The following PDP2 variants were observed in gnomAD, a reference collection of about 807,000 sequenced individuals.
PDP2 encodes the protein [Pyruvate dehydrogenase [acetyl-transferring]]-phosphatase 2, mitochondrial.
A neutral mutation model predicts 34.2 loss-of-function variants in PDP2; 23 were observed. That is an observed-to-expected ratio of 0.67 (90% CI 0.48 to 0.95). The LOEUF (loss-of-function observed/expected upper bound fraction) is 0.95, where lower values mean the gene tolerates loss of function less well. PDP2 is among the 40% of genes least tolerant of loss of function. PDP2 has a pLI of 0.00. For synonymous variants in PDP2, 275 were observed against 269.2 expected (o/e 1.02, Z -0.21); for missense variants, 571 against 659.6 (o/e 0.87, Z 1.47).
intron 1 of PDP2, among the ~76,000 whole-genome samples, chr16:66,881,712 G>T (rs1961525018): frequency 6.6e-6 from 1 of 152,118 alleles, no homozygotes; most frequent in Non-Finnish European, 1.5e-5. Flanking sequence ...GACAGATCTG[G>T]CTCTGTCGCC....
chr16:66,882,116 C>T (rs1416088352), intron 1 of PDP2, among the ~76,000 whole-genome samples: 3 of 152,212 alleles, frequency 2.0e-5, no homozygotes, highest in Non-Finnish European at 4.4e-5. Flanking sequence ...ATACTCTTAT[C>T]AGGAAAGCCA....
intron 1 of PDP2, 43 bp downstream of exon 1, chr16:66,880,683 G>A (rs943409485): frequency 6.6e-6 from 1 of 152,284 alleles, no homozygotes; most frequent in African/African-American, 2.4e-5. Flanking sequence ...GGTAACGAGC[G>A]GGGGATGTGG....
At chr16:66,883,393 A>C (rs1212617944) in intron 1 of PDP2, among the ~76,000 whole-genome samples, 1 of 151,954 alleles carries the variant, frequency 6.6e-6, no homozygotes, top group African/African-American at 2.4e-5. Flanking sequence ...CGGCCTCCCA[A>C]AGTGCTGGGA....
Position 66,880,589 on chromosome 16 carries a change from C to T in PDP2, c.-106C>T, listed in dbSNP as rs45474499. ...TGGTGGCCGCAGTTGTGGCACTGTG[C>T]GCAGGCGCTGAACTGACCGGACGGA... is the stretch of plus-strand genomic sequence containing the variant. On this transcript the variant is annotated 5_prime_UTR_variant, in exon 1 of 2. Coordinates refer to ENST00000311765, the MANE Select transcript of PDP2 (RefSeq NM_020786.4). 5,483 of 152,666 alleles carry T rather than the reference C, an allele frequency of 0.036. 123 individuals are homozygous for T. The highest frequency in any genetic ancestry group is 0.049 in the Non-Finnish European group (3,341 of 68,330). The allele number at this position is 152,666 out of a possible 1,614,324, so 9.5% of individuals were successfully genotyped here.
chr16:66,882,056 A>G, intron 1 of PDP2, among the ~76,000 whole-genome samples: 1 of 152,224 alleles, frequency 6.6e-6, no homozygotes, highest in South Asian at 2.1e-4. Context: ...AAGAATAGTT[A>G]AGTAAGTTGT....
At position 66,891,007 on chromosome 16, in the gene PDP2, T is replaced by C; in HGVS notation, c.*5133T>C. The C allele has an allele frequency of 6.6e-6, 1 of 152,332 alleles. No individual in the cohort carries two copies. Among genetic ancestry groups the C allele is most frequent in the Non-Finnish European group, 1.5e-5 (1 of 68,036 alleles). The allele number at this position is 152,332 out of a possible 1,614,324, so 9.4% of individuals were successfully genotyped here. ...CATGTTCTTTAATAATTGCTGACATTTGTATTTTAAGCTGTATACCAATGT... is the reference window on the plus strand; with the variant it reads ...CATGTTCTTTAATAATTGCTGACATCTGTATTTTAAGCTGTATACCAATGT... On this transcript the variant is annotated 3_prime_UTR_variant, in exon 2 of 2. Transcript: ENST00000311765.
rs575642882 is a variant in PDP2, at chr16:66,886,885, C to T, written c.*1011C>T. 2.0e-4 allele frequency: 37 copies of T among 182,302 alleles called. No individual in the cohort carries two copies. Among genetic ancestry groups the T allele is most frequent in the African/African-American group, 8.5e-4 (36 of 42,352 alleles). The allele number at this position is 182,302 out of a possible 1,614,324, so 11.3% of individuals were successfully genotyped here. A position where few individuals can be genotyped will look rare whatever the true frequency, so the allele number is the denominator to read the frequency against. On this transcript the variant is annotated 3_prime_UTR_variant, in exon 2 of 2. Transcript: ENST00000311765. The stretch of plus-strand genomic sequence containing the variant: ...TTTCACATGTTCCTGCTTCCTATGG[C>T]TGCAGGAAAGGAGAAAATGTGATTG...
Position 66,885,832 on chromosome 16 carries a change from T to C in PDP2, c.1548T>C (p.Tyr516=). The change falls in exon 2 of 2, where the codon TAT becomes TAC. Residue 516 remains tyrosine, a synonymous_variant. Transcript: ENST00000311765. This position sits in a 1 kb window ranked among gnomAD's most constrained non-coding sequence, Gnocchi z 4.6. Reference sequence around the variant, plus strand: ...ATGATATCACTGTCACTGTGGTGTATTTTAACTCAGAATCAATCGGTGCAT... The same window carrying C: ...ATGATATCACTGTCACTGTGGTGTACTTTAACTCAGAATCAATCGGTGCAT... ...YRDDITVTVV[Y]FNSESIGAYY... 6.2e-7 allele frequency: 1 copy of C among 1,612,060 alleles called. No individual in the cohort carries two copies. The highest frequency in any genetic ancestry group is 8.5e-7 in the Non-Finnish European group (1 of 1,179,030).
Position 66,885,655 on chromosome 16 carries a change from G to A in PDP2, c.1371G>A (p.Gln457=). Residue 457 remains glutamine (Q), a synonymous_variant, in exon 2 of 2, where the codon CAG becomes CAA. Coordinates refer to ENST00000311765, the MANE Select transcript of PDP2 (RefSeq NM_020786.4). The surrounding 1 kb of genome is among the most constrained non-coding windows in gnomAD (Gnocchi z 4.6). ...GGCTCATGCAGAGCCTGCTGCTGCA[G>A]AGGAAAGCCAGCGGGCTCCACGAGG... The part of the protein sequence containing the change: ...NLGLMQSLLL[Q]RKASGLHEAD... 1 of 1,614,074 alleles carries A rather than the reference G, an allele frequency of 6.2e-7. No individual in the cohort carries two copies. The highest frequency in any genetic ancestry group is 8.5e-7 in the Non-Finnish European group (1 of 1,180,012).
At chr16:66,882,218 C>G (rs1040133395) in intron 1 of PDP2, among the ~76,000 whole-genome samples, 3 of 152,162 alleles carry the variant, frequency 2.0e-5, no homozygotes. Context: ...TTTGGGAGGC[C>G]AAGGGCGGAA....
chr16:66,886,491 A>G lies in PDP2; in HGVS notation c.*617A>G, dbSNP rs570935684. 2.9e-4 allele frequency: 131 copies of G among 455,886 alleles called. No homozygotes were observed. The highest frequency in any genetic ancestry group is 2.3e-3 in the African/African-American group (113 of 49,604). The allele number at this position is 455,886 out of a possible 1,614,324, so 28.2% of individuals were successfully genotyped here. A position where few individuals can be genotyped will look rare whatever the true frequency, so the allele number is the denominator to read the frequency against. On this transcript the variant is annotated 3_prime_UTR_variant, in exon 2 of 2. Coordinates refer to ENST00000311765, the MANE Select transcript of PDP2 (RefSeq NM_020786.4). Reference sequence around the variant, plus strand: ...CGTTTATTTTAAAACTGAATCCTTAAACTTGCAAACACGCCTACTGTAAGC... The same window carrying G: ...CGTTTATTTTAAAACTGAATCCTTAGACTTGCAAACACGCCTACTGTAAGC...
chr16:66,882,462 A>G (rs1453019761), intron 1 of PDP2, among the ~76,000 whole-genome samples: 2 of 151,900 alleles, frequency 1.3e-5, no homozygotes, highest in Non-Finnish European at 2.9e-5. Context: ...AAAAAAAACC[A>G]AACAAAAAAT....
rs1961791533 is a variant in PDP2 at position 66,886,976 on chromosome 16, G to C, written c.*1102G>C. Reference sequence around the variant, plus strand: ...TTAATTTAGCGGATTGTGGACTTAAGATTCAACCTCTATCTGGAGAGGTGA... The same window carrying C: ...TTAATTTAGCGGATTGTGGACTTAACATTCAACCTCTATCTGGAGAGGTGA... On this transcript the variant is annotated 3_prime_UTR_variant, in exon 2 of 2. Transcript: ENST00000311765. The C allele has an allele frequency of 5.9e-6, 1 of 169,330 alleles. No homozygotes were observed. The highest frequency in any genetic ancestry group is 1.4e-5 in the Non-Finnish European group (1 of 69,342). 10.5% of individuals were successfully genotyped at this position (169,330 alleles called of 1,614,324 possible).
At position 66,885,611 on chromosome 16, in the gene PDP2, C is replaced by T. The variant is rs930086938; in HGVS notation, c.1327C>T (p.Gln443Ter). 1 of 1,613,952 alleles carries T rather than the reference C, an allele frequency of 6.2e-7. No individual in the cohort carries two copies. The highest frequency in any genetic ancestry group is 1.3e-5 in the African/African-American group (1 of 74,934). ...EADWHKTDLA[Q>*]RPANLGLMQS... Reference sequence around the variant, plus strand: ...AGATTGGCACAAGACAGACCTGGCCCAGAGACCCGCCAACTTGGGGCTCAT... The same window carrying T: ...AGATTGGCACAAGACAGACCTGGCCTAGAGACCCGCCAACTTGGGGCTCAT... Residue 443 changes from glutamine to a stop codon, truncating the protein, a stop_gained, in exon 2 of 2, where the codon CAG (glutamine) becomes TAG (stop). Transcript: ENST00000311765. LOFTEE classifies it high-confidence loss of function. The surrounding 1 kb of genome is among the most constrained non-coding windows in gnomAD (Gnocchi z 4.6).
chr16:66,887,051 C>T lies in PDP2; in HGVS notation c.*1177C>T, dbSNP rs1224915762. ...GTTTCTAACCAAGTTTCTCTGAATC[C>T]TTTCCTGAGAGGTGGTGGGCAGGAG... On this transcript the variant is annotated 3_prime_UTR_variant, in exon 2 of 2. Coordinates refer to ENST00000311765, the MANE Select transcript of PDP2 (RefSeq NM_020786.4). 1 of 167,684 alleles carries T rather than the reference C, an allele frequency of 6.0e-6. No individual in the cohort carries two copies. The highest frequency in any genetic ancestry group is 1.5e-5 in the Non-Finnish European group (1 of 68,502). The allele number at this position is 167,684 out of a possible 1,614,324, so 10.4% of individuals were successfully genotyped here.
Position 66,887,353 on chromosome 16 carries a change from A to G in PDP2, c.*1479A>G, listed in dbSNP as rs889526. ...AATGGAAACAAATATAATCCCACAAAACCAACAATTTTATTTGCCTCTACT... is the reference window on the plus strand; with the variant it reads ...AATGGAAACAAATATAATCCCACAAGACCAACAATTTTATTTGCCTCTACT... On this transcript the variant is annotated 3_prime_UTR_variant, in exon 2 of 2. Coordinates refer to ENST00000311765, the MANE Select transcript of PDP2 (RefSeq NM_020786.4). 28,131 of 166,768 alleles carry G rather than the reference A, an allele frequency of 0.17. 4,703 individuals carry two copies. Among genetic ancestry groups the G allele is most frequent in the African/African-American group, 0.45 (18,769 of 41,474 alleles). The allele number at this position is 166,768 out of a possible 1,614,324, so 10.3% of individuals were successfully genotyped here.
intron 1 of PDP2, among the ~76,000 whole-genome samples, chr16:66,883,740 G>C (rs186325319): frequency 2.0e-5 from 3 of 152,042 alleles, no homozygotes; most frequent in Non-Finnish European, 4.4e-5. Context: ...GAGCCACCAG[G>C]CCTGGCCCCC....
At position 66,884,805 on chromosome 16, in the gene PDP2, A is replaced by C; in HGVS notation, c.521A>C (p.Glu174Ala). 6.2e-7 allele frequency: 1 copy of C among 1,614,148 alleles called. No individual in the cohort carries two copies. The highest frequency in any genetic ancestry group is 8.5e-7 in the Non-Finnish European group (1 of 1,180,042). ...LMSHQTLEHM[E>A]GAMESMKPLL... ...TCCCACCAGACCCTGGAGCACATGGAGGGAGCTATGGAAAGCATGAAACCC... is the reference window on the plus strand; with the variant it reads ...TCCCACCAGACCCTGGAGCACATGGCGGGAGCTATGGAAAGCATGAAACCC... The change falls in exon 2 of 2, where the codon GAG (glutamate) becomes GCG (alanine). Residue 174 changes from glutamate to alanine, a missense_variant. Physicochemically the swap from Glu to Ala is moderately radical, Grantham distance 107. Around this residue, in one of 2 missense-constraint regions of PDP2, gnomAD observed 290 missense variants for 283.8 expected, o/e 1.02. Transcript: ENST00000311765.
intron 1 of PDP2, among the ~76,000 whole-genome samples, chr16:66,882,458 A>C (rs1256583976): frequency 6.6e-6 from 1 of 152,118 alleles, no homozygotes; most frequent in East Asian, 1.9e-4. Flanking sequence ...AACAAAAAAA[A>C]ACCAAACAAA....
Sources: allele counts gnomAD v4.1 joint callset (sites outside exome capture counted in the v4.1 genomes callset), GRCh38; gene constraint gnomAD v4.1.1; regional missense constraint gnomAD v4.1.1; non-coding constraint Gnocchi (gnomAD v3.1); transcripts MANE v1.5; gene names NCBI Gene and HGNC (gene_info 2026-07-23, HGNC 2026-07-21).